Variants in MINDY4 observed in about 807,000 individuals in gnomAD.
MINDY4 encodes the protein probable ubiquitin carboxyl-terminal hydrolase MINDY-4.
A neutral mutation model predicts 87.0 loss-of-function variants in MINDY4; 68 were observed. That is an observed-to-expected ratio of 0.78 (90% CI 0.64 to 0.96). The LOEUF is 0.96. MINDY4 is among the 40% of genes least tolerant of loss of function. The probability of loss-of-function intolerance (pLI) is 0.00; values close to 1 mark genes in which losing one functional copy is unlikely to be tolerated. For synonymous variants in MINDY4, 379 were observed against 363.2 expected (o/e 1.04, Z -0.50); for missense variants, 919 against 928.2 (o/e 0.99, Z 0.13).
chr7:30,829,337 AG>A (rs1215353347), intron 6 of MINDY4, among the ~76,000 whole-genome samples: 2 of 152,146 alleles, frequency 1.3e-5, no homozygotes, highest in Non-Finnish European at 2.9e-5. Flanking sequence ...ATGCATTTGC[AG>A]GGTTTTGCAG....
At chr7:30,857,146 G>A (rs1015445454) in intron 12 of MINDY4, among the ~76,000 whole-genome samples, 4 of 152,194 alleles carry the variant, frequency 2.6e-5, no homozygotes, top group African/African-American at 9.7e-5. Flanking sequence ...TCAGGGCTCT[G>A]CTGTGCCCCC....
intron 5 of MINDY4, among the ~76,000 whole-genome samples, chr7:30,792,270 A>G (rs1199013353): frequency 6.6e-6 from 1 of 152,168 alleles, no homozygotes; most frequent in African/African-American, 2.4e-5. Flanking sequence ...ATCTTTTTAT[A>G]TATCATTGGA....
intron 12 of MINDY4, among the ~76,000 whole-genome samples, chr7:30,856,469 G>A (rs867817748): frequency 1.3e-5 from 2 of 151,786 alleles, no homozygotes; most frequent in African/African-American, 4.8e-5. Flanking sequence ...CCTAGGACTG[G>A]GGGCAACGCT....
chr7:30,789,773 T>C (rs1051505591), intron 4 of MINDY4, among the ~76,000 whole-genome samples: 13 of 152,232 alleles, frequency 8.5e-5, no homozygotes, highest in Admixed American at 8.5e-4. Context: ...GTTCAGAATT[T>C]TAAACCAAGG....
chr7:30,793,815 C>T (rs1160685908), intron 5 of MINDY4, among the ~76,000 whole-genome samples: 1 of 152,216 alleles, frequency 6.6e-6, no homozygotes, highest in Non-Finnish European at 1.5e-5. Flanking sequence ...ATATAATTCA[C>T]ACTTCCTCCG....
intron 17 of MINDY4, among the ~76,000 whole-genome samples, chr7:30,889,737 T>C (rs6462229): frequency 0.37 from 56,176 of 152,062 alleles, 15,977 homozygotes; most frequent in African/African-American, 0.79. Context: ...TCCAATGGAG[T>C]AAGTGATGAT....
At chr7:30,815,035 G>GT (rs1441477079) in intron 5 of MINDY4, among the ~76,000 whole-genome samples, 34 of 152,310 alleles carry the variant, frequency 2.2e-4, no homozygotes, top group African/African-American at 8.2e-4. Context: ...TCAGCCTCTC[G>GT]TTGGTGCAGC....
intron 1 of MINDY4, among the ~76,000 whole-genome samples, chr7:30,774,408 C>A (rs986235963): frequency 6.6e-6 from 1 of 152,144 alleles, no homozygotes; most frequent in East Asian, 1.9e-4. Context: ...GTCTCCTGCA[C>A]CATGCATTTC....
intron 5 of MINDY4, among the ~76,000 whole-genome samples, chr7:30,809,806 AG>A (rs984351962): frequency 3.9e-5 from 6 of 151,930 alleles, no homozygotes; most frequent in South Asian, 4.1e-4. Flanking sequence ...GGGAAAAAAA[AG>A]GGGGGCAGAA....
intron 4 of MINDY4, among the ~76,000 whole-genome samples, chr7:30,787,297 G>A (rs1787185130): frequency 6.6e-6 from 1 of 152,192 alleles, no homozygotes; most frequent in African/African-American, 2.4e-5. Flanking sequence ...CCCCATTCTA[G>A]GCCTTCTTGT....
intron 5 of MINDY4, among the ~76,000 whole-genome samples, chr7:30,811,824 TC>T (rs775381723): frequency 1.3e-5 from 2 of 152,158 alleles, no homozygotes; most frequent in Non-Finnish European, 2.9e-5. Flanking sequence ...TCATGCGGAC[TC>T]CCTTAGAGTT....
At chr7:30,880,240 A>G (rs1334991748) in intron 15 of MINDY4, among the ~76,000 whole-genome samples, 1 of 151,224 alleles carries the variant, frequency 6.6e-6, no homozygotes, top group African/African-American at 2.4e-5. Flanking sequence ...TAATTGTGCT[A>G]CATGTTCCCC....
At chr7:30,814,405 A>G (rs1376529137) in intron 5 of MINDY4, among the ~76,000 whole-genome samples, 2 of 152,192 alleles carry the variant, frequency 1.3e-5, no homozygotes, top group Non-Finnish European at 2.9e-5. Flanking sequence ...GAATGAACAA[A>G]TTAAGCTTTG....
At chr7:30,799,021 C>A (rs188315181) in intron 5 of MINDY4, among the ~76,000 whole-genome samples, 480 of 152,248 alleles carry the variant, frequency 3.2e-3, no homozygotes, top group South Asian at 0.01. Flanking sequence ...TAGGGTTGCT[C>A]ACAGCTACTG....
Position 30,850,460 on chromosome 7 carries a change from G to C in MINDY4, c.1452G>C (p.Leu484=). Residue 484 remains leucine, a synonymous_variant, in exon 10 of 18, where the codon CTG becomes CTC. Transcript: ENST00000265299. Reference sequence around the variant, plus strand: ...TTCCTTTTCTTGTCCGCAGGGGACTGCAGCCTTCAGATGCCCACCGGACCC... The same window carrying C: ...TTCCTTTTCTTGTCCGCAGGGGACTCCAGCCTTCAGATGCCCACCGGACCC... ...GDSKADCAQG[L]QPSDAHRTRC... is the part of the protein sequence containing the mutation. 6.2e-7 allele frequency: 1 copy of C among 1,611,750 alleles called. No individual in the cohort carries two copies. Among genetic ancestry groups the C allele is most frequent in the Non-Finnish European group, 8.5e-7 (1 of 1,179,064 alleles).
intron 9 of MINDY4, among the ~76,000 whole-genome samples, chr7:30,844,311 A>T (rs1243305098): frequency 4.6e-5 from 7 of 152,160 alleles, no homozygotes; most frequent in Non-Finnish European, 8.8e-5. Flanking sequence ...ACTCAGGCAG[A>T]GCTGTCACAG....
chr7:30,859,919 G>C (rs1010311808), intron 13 of MINDY4, among the ~76,000 whole-genome samples: 1 of 152,164 alleles, frequency 6.6e-6, no homozygotes, highest in Non-Finnish European at 1.5e-5. Context: ...CTCCACAGCC[G>C]GAGTTTCCCC....
chr7:30,884,326 G>T (rs73689325), intron 17 of MINDY4, among the ~76,000 whole-genome samples: 1 of 152,172 alleles, frequency 6.6e-6, no homozygotes, highest in Non-Finnish European at 1.5e-5. Context: ...CCACCTGCCC[G>T]CCCCCTGAGC....
In MINDY4 at chr7:30,834,556, G is replaced by A. The variant is rs142006177; in HGVS notation, c.1133-2102G>A. Among the ~76,000 whole-genome samples, 11 of 152,332 alleles carry A rather than the reference G, an allele frequency of 7.2e-5. No individual in the cohort carries two copies. In the East Asian group the frequency reaches 1.9e-3, roughly 27 times the overall value. ...ATGCCCTGGAGACGTTTTCCCCATT[G>A]TCTTGTGGATTAACATTTGGCTTCT... is the stretch of plus-strand genomic sequence containing the variant. On this transcript the variant is annotated intron_variant, in intron 6 of 17. Coordinates refer to ENST00000265299, the MANE Select transcript of MINDY4 (RefSeq NM_032222.3).
Sources: gnomAD v4.1 joint callset for allele counts (sites outside exome capture counted in the v4.1 genomes callset) on GRCh38, gnomAD v4.1.1 for gene constraint, MANE v1.5 for transcripts, NCBI Gene and HGNC (gene_info 2026-07-23, HGNC 2026-07-21) for gene names.